The following DLG1 variants were observed in gnomAD, a reference collection of about 807,000 sequenced individuals.
DLG1 encodes discs large MAGUK scaffold protein 1, also known as disks large homolog 1.
Under a neutral mutation model 123.4 loss-of-function variants are expected in DLG1, and 42 were observed. The ratio of observed to expected loss-of-function variants is 0.34; its 90% CI spans 0.27 to 0.44. The LOEUF (loss-of-function observed/expected upper bound fraction) is 0.44, where lower values mean the gene tolerates loss of function less well. Among genes scored for constraint, DLG1 ranks in the 20% least tolerant of loss-of-function variants. The probability of loss-of-function intolerance (pLI) is 1.00; values close to 1 mark genes in which losing one functional copy is unlikely to be tolerated. For synonymous variants in DLG1, 317 were observed against 356.2 expected (o/e 0.89, Z 1.24); for missense variants, 942 against 1,082.6 (o/e 0.87, Z 1.82).
At chr3:197,268,907 C>A (rs1762805076) in intron 4 of DLG1, among the ~76,000 whole-genome samples, 1 of 151,548 alleles carries the variant, frequency 6.6e-6, no homozygotes, top group Admixed American at 6.6e-5. Context: ...AACAAACACA[C>A]ACACACCCGT....
chr3:197,280,725 A>G (rs1295342525), intron 4 of DLG1, among the ~76,000 whole-genome samples: 1 of 152,192 alleles, frequency 6.6e-6, no homozygotes, highest in East Asian at 1.9e-4. Context: ...CGGACAATAA[A>G]AAATACTAGT....
chr3:197,067,614 A>G lies in DLG1; in HGVS notation c.2048-860T>C, dbSNP rs190422082. On this transcript the variant is annotated intron_variant, in intron 19 of 24. Coordinates refer to ENST00000667157, the MANE Select transcript of DLG1 (RefSeq NM_001366207.1). ...CTCTTGTTGCCTAGTCTGGAGTGCA[A>G]TGGCATGATCTCAGCTCACTGCAGC... is the stretch of plus-strand genomic sequence containing the variant. Among the ~76,000 whole-genome samples the G allele has an allele frequency of 3.3e-3, 449 of 138,096 alleles. 4 individuals are homozygous for G. Among genetic ancestry groups the G allele is most frequent in the African/African-American group, 0.012 (425 of 34,544 alleles). 90.6% of individuals were successfully genotyped at this position (138,096 alleles called of 152,430 possible).
intron 11 of DLG1, 145 bp downstream of exon 11, chr3:197,130,382 A>G (rs1781888465): frequency 1.4e-6 from 1 of 710,706 alleles, no homozygotes; most frequent in Non-Finnish European, 2.0e-6. Context: ...TAGATTTTAA[A>G]AAATGAGTAG....
chr3:197,083,166 T>C (rs190158856), intron 16 of DLG1, among the ~76,000 whole-genome samples: 6 of 152,318 alleles, frequency 3.9e-5, no homozygotes, highest in Admixed American at 2.6e-4. Flanking sequence ...AATATATGGA[T>C]ACAGCCAACA....
In DLG1 at chr3:197,158,691, T is replaced by TACCTCTATA. The variant is rs1404537315; in HGVS notation, c.484-8896_484-8895insTATAGAGGT. ...GCAGTATGATGCTCTGCTCTGGACA[T>TACCTCTATA]ACCTCTAAGGTAATTACTCTCACAT... On this transcript the variant is annotated intron_variant, in intron 5 of 24. Transcript: ENST00000667157. Among the ~76,000 whole-genome samples, 4 of 143,502 alleles carry TACCTCTATA rather than the reference T, an allele frequency of 2.8e-5. No homozygotes were observed. The Admixed American group carries it at 2.8e-4, about 10-fold the overall frequency. 94.1% of individuals were successfully genotyped at this position (143,502 alleles called of 152,430 possible). A position where few individuals can be genotyped will look rare whatever the true frequency, so the allele number is the denominator to read the frequency against.
At position 197,090,921 on chromosome 3, in the gene DLG1, A is replaced by C; in HGVS notation, c.1652T>G (p.Leu551Arg). 1 of 1,599,608 alleles carries C rather than the reference A, an allele frequency of 6.3e-7. No homozygotes were observed. The highest frequency in any genetic ancestry group is 8.5e-7 in the Non-Finnish European group (1 of 1,169,662). ...GSLRTSQKRS[L>R]YVRALFDYDK... Reference sequence around the variant, plus strand: ...AAGTAAAAAAATTTACCTGACATAGAGGGATCGCTTCTGGCTAGTTCGAAG... The same window carrying C: ...AAGTAAAAAAATTTACCTGACATAGCGGGATCGCTTCTGGCTAGTTCGAAG... Residue 551 changes from leucine to arginine, a missense_variant, in exon 15 of 25, where the codon CTC becomes CGC. Transcript: ENST00000667157.
At chr3:197,180,066 TTGGG>T (rs745936823) in intron 5 of DLG1, among the ~76,000 whole-genome samples, 5 of 82,672 alleles carry the variant, frequency 6.0e-5, no homozygotes, top group African/African-American at 1.2e-4. Flanking sequence ...TGTTTTTTTT[TTGGG>T]GGGGGGGGGG....
intron 11 of DLG1, 37 bp from the exon 12 acceptor site, chr3:197,119,567 G>A (rs747145140): frequency 1.3e-5 from 20 of 1,561,018 alleles, no homozygotes; most frequent in Middle Eastern, 1.7e-4. Flanking sequence ...CTTCAAACAC[G>A]AAACAAGCCA....
intron 3 of DLG1, among the ~76,000 whole-genome samples, chr3:197,285,830 T>G (rs1323583323): frequency 1.3e-5 from 2 of 152,210 alleles, no homozygotes; most frequent in African/African-American, 4.8e-5. Context: ...TCTTAAAAAC[T>G]ATACATACTC....
intron 3 of DLG1, among the ~76,000 whole-genome samples, chr3:197,288,743 A>ACAAACATAC (rs1553827363): frequency 1.4e-5 from 1 of 72,078 alleles, no homozygotes; most frequent in Admixed American, 1.7e-4. Flanking sequence ...AAAAAAAAAA[A>ACAAACATAC]ATACATACAT....
rs1308515067 is a variant in DLG1, at chr3:197,059,781, CTAT to C, written c.2483+105_2483+107del. 3.7e-5 allele frequency: 26 copies of C among 698,594 alleles called. No homozygotes were observed. In the South Asian group the frequency reaches 4.9e-4, roughly 13 times the overall value. The allele number at this position is 698,594 out of a possible 1,614,324, so 43.3% of individuals were successfully genotyped here. Reference sequence around the variant, plus strand: ...TAATCTGAGGTGAATAAACATACTACTATTATCTCAATTTTATAGATAAACTGA... The same window carrying C: ...TAATCTGAGGTGAATAAACATACTACTATCTCAATTTTATAGATAAACTGA... On this transcript the variant is annotated intron_variant, in intron 23 of 24. Transcript: ENST00000667157.
intron 23 of DLG1, among the ~76,000 whole-genome samples, chr3:197,058,991 T>A (rs897151806): frequency 1.3e-5 from 2 of 152,210 alleles, no homozygotes; most frequent in African/African-American, 4.8e-5. Flanking sequence ...AGTGGCGAGA[T>A]CTCGGCTCAC....
intron 3 of DLG1, among the ~76,000 whole-genome samples, chr3:197,294,916 T>C (rs1776679415): frequency 6.6e-6 from 1 of 152,154 alleles, no homozygotes; most frequent in African/African-American, 2.4e-5. Flanking sequence ...TATATGTATA[T>C]ATATATCTCT....
intron 3 of DLG1, among the ~76,000 whole-genome samples, chr3:197,294,158 A>C (rs1579552235): frequency 1.3e-5 from 2 of 152,284 alleles, no homozygotes; most frequent in African/African-American, 4.8e-5. Flanking sequence ...ATCAACAATT[A>C]TAGCATGGAA....
At position 197,044,593 on chromosome 3, in the gene DLG1, T is replaced by A. The variant is rs1721655875; in HGVS notation, c.*30A>T. 1 of 1,489,836 alleles carries A rather than the reference T, an allele frequency of 6.7e-7. No individual in the cohort carries two copies. Among genetic ancestry groups the A allele is most frequent in the African/African-American group, 1.4e-5 (1 of 72,086 alleles). 92.3% of individuals were successfully genotyped at this position (1,489,836 alleles called of 1,614,324 possible). On this transcript the variant is annotated 3_prime_UTR_variant, in exon 25 of 25. Coordinates refer to ENST00000667157, the MANE Select transcript of DLG1 (RefSeq NM_001366207.1). ...AGAGATGCCAAAGAAAATGGAATTG[T>A]GGAAAAGAGAAACAGAGAAACATGA...
At chr3:197,217,633 G>T (rs1734783923) in intron 4 of DLG1, among the ~76,000 whole-genome samples, 2 of 152,110 alleles carry the variant, frequency 1.3e-5, no homozygotes, top group African/African-American at 4.8e-5. Flanking sequence ...ATACAGGCAA[G>T]GACACAGATG....
chr3:197,215,397 T>G (rs540792866), intron 4 of DLG1, among the ~76,000 whole-genome samples: 2 of 152,220 alleles, frequency 1.3e-5, no homozygotes, highest in East Asian at 1.9e-4. Context: ...TCAGGCAGAT[T>G]TGAGATCTCA....
chr3:197,067,551 G>GTTTTTTTTTTTTTTTTTTTTTTTTT (rs199907948), intron 19 of DLG1, among the ~76,000 whole-genome samples: 1 of 107,380 alleles, frequency 9.3e-6, no homozygotes, highest in Non-Finnish European at 1.8e-5. Flanking sequence ...AACTCTGAGA[G>GTTTTTTTTTTTTTTTTTTTTTTTTT]TTTTTTTTTT....
At chr3:197,201,790 T>C (rs1231194373) in intron 4 of DLG1, among the ~76,000 whole-genome samples, 1 of 151,956 alleles carries the variant, frequency 6.6e-6, no homozygotes, top group South Asian at 2.1e-4. Flanking sequence ...AAAATACTAA[T>C]ATCATTTTTC....
Sources: allele counts gnomAD v4.1 joint callset (sites outside exome capture counted in the v4.1 genomes callset), GRCh38; gene constraint gnomAD v4.1.1; transcripts MANE v1.5; gene names NCBI Gene and HGNC (gene_info 2026-07-23, HGNC 2026-07-21).